The following FRMPD1 variants were observed in gnomAD, a reference collection of about 807,000 sequenced individuals.
FRMPD1 encodes FERM and PDZ domain-containing protein 1.
In FRMPD1, 76 loss-of-function variants were observed where a neutral mutation model predicts 117.8. The observed-to-expected ratio is 0.65, with a 90% CI of 0.54 to 0.78. The LOEUF (loss-of-function observed/expected upper bound fraction) is 0.78. FRMPD1 is among the 30% of genes least tolerant of loss of function. The pLI is 0.00. For missense variants in FRMPD1, 1,786 were observed against 1,964.5 expected (o/e 0.91, Z 1.72); for synonymous variants, 783 against 770.4 (o/e 1.02, Z -0.27).
chr9:37,655,063 C>T (rs535845574), intron 1 of FRMPD1, among the ~76,000 whole-genome samples: 1 of 152,180 alleles, frequency 6.6e-6, no homozygotes, highest in Admixed American at 6.5e-5. Flanking sequence ...GCCACCAGCC[C>T]TGGTACCAAA....
intron 1 of FRMPD1, among the ~76,000 whole-genome samples, chr9:37,682,059 A>G (rs1821748199): frequency 2.0e-5 from 3 of 152,338 alleles, no homozygotes; most frequent in Middle Eastern, 3.4e-3. Flanking sequence ...TAGGATTTGA[A>G]TAAGTCCTAG....
chr9:37,696,770 A>T (rs72724121), intron 2 of FRMPD1, among the ~76,000 whole-genome samples: 22,381 of 152,174 alleles, frequency 0.15, 1,801 homozygotes, highest in Middle Eastern at 0.19. Context: ...TAGTCACATA[A>T]TTTTACATGC....
chr9:37,667,937 G>A (rs12003460), intron 1 of FRMPD1: 22,073 of 152,222 alleles, frequency 0.15, 2,202 homozygotes, highest in East Asian at 0.47. Context: ...AATGTGCTTA[G>A]GGGTGACCTA....
chr9:37,711,636 C>T (rs961951391), intron 5 of FRMPD1, among the ~76,000 whole-genome samples: 3 of 152,170 alleles, frequency 2.0e-5, no homozygotes, highest in Admixed American at 6.5e-5. Flanking sequence ...GGAGATGGAC[C>T]TATGGCTATG....
chr9:37,716,108 T>C (rs1823108180), intron 5 of FRMPD1, among the ~76,000 whole-genome samples: 1 of 152,176 alleles, frequency 6.6e-6, no homozygotes, highest in South Asian at 2.1e-4. Context: ...CAACCAGTGC[T>C]GAGTACCATG....
chr9:37,739,683 A>G (rs768320647), intron 14 of FRMPD1, among the ~76,000 whole-genome samples: 34 of 152,190 alleles, frequency 2.2e-4, no homozygotes, highest in Non-Finnish European at 3.8e-4. Flanking sequence ...TATTTTTAAA[A>G]TATGATTCCC....
the FRMPD1 span, chr9:37,636,718 A>C: frequency 6.3e-7 from 1 of 1,580,340 alleles, no homozygotes; most frequent in South Asian, 1.2e-5. Context: ...CCGGCTTTAC[A>C]GGGGTGCTGT....
At chr9:37,738,218 C>A (rs571567747) in intron 14 of FRMPD1, among the ~76,000 whole-genome samples, 1 of 152,342 alleles carries the variant, frequency 6.6e-6, no homozygotes, top group African/African-American at 2.4e-5. Context: ...TGATCAATAG[C>A]ACACCACTGT....
intron 2 of FRMPD1, 103 bp downstream of exon 2, chr9:37,692,845 T>C: frequency 1.2e-6 from 1 of 861,220 alleles, no homozygotes; most frequent in Non-Finnish European, 2.0e-6. Context: ...TGTCTCCGGC[T>C]TGCTTTGTTC....
intron 2 of FRMPD1, among the ~76,000 whole-genome samples, chr9:37,701,026 C>T (rs534893636): frequency 1.5e-4 from 23 of 152,262 alleles, no homozygotes; most frequent in African/African-American, 5.5e-4. Flanking sequence ...TTAGGTTAAT[C>T]CCTTTCCAAA....
chr9:37,744,712 C>G lies in FRMPD1; in HGVS notation c.2680C>G (p.Pro894Ala), dbSNP rs1824600781. 1.2e-6 allele frequency: 2 copies of G among 1,613,840 alleles called. No individual in the cohort carries two copies. Among genetic ancestry groups the G allele is most frequent in the East Asian group, 2.2e-5 (1 of 44,892 alleles). ...VSSLQDMQGE[P>A]GLLETKALGL... ...CTCTCTGCAGGACATGCAGGGTGAG[C>G]CTGGCCTTCTGGAGACCAAGGCCTT... The change falls in exon 16 of 16, where the codon CCT becomes GCT. Residue 894 changes from proline to alanine, a missense_variant. Pro to Ala is a conservative substitution (Grantham distance 27, BLOSUM62 -1). Transcript: ENST00000377765.
chr9:37,735,779 G>A (rs749156586), intron 13 of FRMPD1, 45 bp downstream of exon 13: 17 of 1,348,140 alleles, frequency 1.3e-5, no homozygotes, highest in Non-Finnish European at 1.7e-5. Flanking sequence ...CTGGAATTTG[G>A]GGCCAAATAG....
the FRMPD1 span, among the ~76,000 whole-genome samples, chr9:37,632,373 T>A: frequency 3.3e-5 from 5 of 152,232 alleles, no homozygotes; most frequent in African/African-American, 1.2e-4. Context: ...GAAAACCAAG[T>A]CAAATTATTT....
rs1270876842 is a variant in FRMPD1, at chr9:37,683,502, C to G, written c.-4-9136C>G. ...GAGTGTTCTGTGCAAATCCAGTACA[C>G]TACTGTGCCTGTTCATTGAAGTGTG... On this transcript the variant is annotated intron_variant, in intron 1 of 15. Coordinates refer to ENST00000377765, the MANE Select transcript of FRMPD1 (RefSeq NM_014907.3). Among the ~76,000 whole-genome samples the G allele has an allele frequency of 9.1e-4, 139 of 152,296 alleles. 1 individual carries two copies. The highest frequency in any genetic ancestry group is 3.4e-3 in the Middle Eastern group (1 of 294).
intron 7 of FRMPD1, among the ~76,000 whole-genome samples, chr9:37,725,385 T>G (rs901597633): frequency 6.6e-6 from 1 of 152,138 alleles, no homozygotes; most frequent in South Asian, 2.1e-4. Context: ...AATGCAGCTA[T>G]AGGGGACAAA....
intron 7 of FRMPD1, chr9:37,728,122 T>G (rs1401504211): frequency 6.6e-6 from 1 of 152,188 alleles, no homozygotes; most frequent in African/African-American, 2.4e-5. Context: ...TCTAAGTGCC[T>G]TCTATGGGGA....
the FRMPD1 span, chr9:37,637,401 T>G: frequency 5.9e-6 from 4 of 676,200 alleles, no homozygotes; most frequent in Non-Finnish European, 1.1e-5. Context: ...AAAGTAAAAT[T>G]GCATTTAATA....
At chr9:37,723,849 T>G (rs1395312409) in intron 6 of FRMPD1, among the ~76,000 whole-genome samples, 4 of 151,384 alleles carry the variant, frequency 2.6e-5, no homozygotes, top group Non-Finnish European at 4.4e-5. Flanking sequence ...AATACAAAAA[T>G]TAGCTGGGCA....
At chr9:37,738,905 A>T (rs892075643) in intron 14 of FRMPD1, among the ~76,000 whole-genome samples, 2 of 152,150 alleles carry the variant, frequency 1.3e-5, no homozygotes, top group African/African-American at 4.8e-5. Context: ...AAAGGCCATG[A>T]CCTGAAAGGA....
Sources: allele counts gnomAD v4.1 joint callset (sites outside exome capture counted in the v4.1 genomes callset), GRCh38; gene constraint gnomAD v4.1.1; transcripts MANE v1.5; gene names NCBI Gene and HGNC (gene_info 2026-07-23, HGNC 2026-07-21).